Variants in KIF14 observed in about 807,000 individuals in gnomAD.
The protein encoded by KIF14 is kinesin-like protein KIF14.
Under a neutral mutation model 176.2 loss-of-function variants are expected in KIF14, and 98 were observed. That is an observed-to-expected ratio of 0.56 (90% CI 0.47 to 0.66). The LOEUF is 0.66. KIF14 is among the 30% of genes least tolerant of loss of function. The pLI, the probability that KIF14 is intolerant of heterozygous loss-of-function variation, is 0.00. For synonymous variants in KIF14, 566 were observed against 632.2 expected (o/e 0.90, Z 1.57); for missense variants, 1,751 against 1,920.4 (o/e 0.91, Z 1.65).
At chr1:200,560,938 G>T in intron 25 of KIF14, 58 bp from the exon 26 acceptor site, 1 of 1,510,174 alleles carries the variant, frequency 6.6e-7, no homozygotes, top group South Asian at 1.1e-5. Flanking sequence ...AGGTGGTAAA[G>T]AAAAGATAAG....
chr1:200,570,413 A>AG (rs1156509637), intron 22 of KIF14, among the ~76,000 whole-genome samples: 1 of 152,194 alleles, frequency 6.6e-6, no homozygotes, highest in African/African-American at 2.4e-5. Flanking sequence ...CCAAGAAGTC[A>AG]GGGGGGCCTC....
chr1:200,594,665 A>G (rs1659240549), intron 14 of KIF14, among the ~76,000 whole-genome samples: 1 of 152,190 alleles, frequency 6.6e-6, no homozygotes, highest in Admixed American at 6.5e-5. Flanking sequence ...TTTTATTCAG[A>G]GAATAGGAAA....
chr1:200,570,734 TG>T (rs1177127760), intron 22 of KIF14, among the ~76,000 whole-genome samples: 1 of 152,142 alleles, frequency 6.6e-6, no homozygotes, highest in East Asian at 1.9e-4. Flanking sequence ...GTGGCCGAGT[TG>T]GGATTTATTT....
rs529049059 is a variant in KIF14, at chr1:200,617,857, T to A, written c.867A>T (p.Thr289=). The A allele has an allele frequency of 6.2e-7, 1 of 1,614,240 alleles. No homozygotes were observed. Among genetic ancestry groups the A allele is most frequent in the Non-Finnish European group, 8.5e-7 (1 of 1,180,034 alleles). ...TKCTTEHKLT[T]KCSLPQLKSP... ...TCTTAAGCTGAGGCAGGCTGCACTT[T>A]GTTGTCAGTTTGTGTTCTGTTGTAC... The change falls in exon 2 of 30, where the codon ACA becomes ACT. Residue 289 remains threonine (T), a synonymous_variant. Coordinates refer to ENST00000367350, the MANE Select transcript of KIF14 (RefSeq NM_014875.3).
intron 12 of KIF14, 112 bp downstream of exon 12, chr1:200,600,244 G>T: frequency 8.0e-7 from 1 of 1,249,926 alleles, no homozygotes; most frequent in Non-Finnish European, 1.2e-6. Context: ...GGAGTGGGCT[G>T]CTCTATTCAT....
Position 200,602,923 on chromosome 1 carries a change from A to T in KIF14, c.1979+303T>A, listed in dbSNP as rs2809355. 0.34 allele frequency among the ~76,000 whole-genome samples: 51,060 copies of T among 152,036 alleles called. 8,815 individuals are homozygous for T. Among genetic ancestry groups the T allele is most frequent in the African/African-American group, 0.35 (14,677 of 41,466 alleles). ...TACAAGAACAGTTATTTACACTCAT[A>T]TAGTACATATTATGTATTAAGAATT... On this transcript the variant is annotated intron_variant, in intron 10 of 29. Coordinates refer to ENST00000367350, the MANE Select transcript of KIF14 (RefSeq NM_014875.3).
intron 25 of KIF14, among the ~76,000 whole-genome samples, chr1:200,564,135 G>A (rs1240856354): frequency 1.3e-5 from 2 of 151,638 alleles, no homozygotes; most frequent in South Asian, 2.1e-4. Context: ...GGTGGTGAGT[G>A]CCTGTAATCC....
intron 2 of KIF14, among the ~76,000 whole-genome samples, chr1:200,616,049 T>C (rs1286055524): frequency 4.6e-5 from 7 of 152,322 alleles, no homozygotes; most frequent in African/African-American, 1.7e-4. Flanking sequence ...GTTTCAATCA[T>C]AAGTCTCTCT....
intron 21 of KIF14, among the ~76,000 whole-genome samples, chr1:200,578,491 T>A (rs1658254154): frequency 6.6e-6 from 1 of 152,112 alleles, no homozygotes; most frequent in African/African-American, 2.4e-5. Flanking sequence ...TATGGATAAT[T>A]AGATAATATG....
chr1:200,561,852 A>T (rs1445721659), intron 25 of KIF14, among the ~76,000 whole-genome samples: 1 of 152,222 alleles, frequency 6.6e-6, no homozygotes, highest in Non-Finnish European at 1.5e-5. Flanking sequence ...TCCTGTTCTG[A>T]TAACCATCTG....
intron 14 of KIF14, among the ~76,000 whole-genome samples, chr1:200,597,399 A>G (rs778258063): frequency 1.3e-5 from 2 of 152,226 alleles, no homozygotes; most frequent in Non-Finnish European, 2.9e-5. Flanking sequence ...AAAAATCAAC[A>G]AAAGATATGA....
chr1:200,587,677 G>A lies in KIF14; in HGVS notation c.3115-1450C>T, dbSNP rs139817889. Among the ~76,000 whole-genome samples, 860 of 152,152 alleles carry A rather than the reference G, an allele frequency of 5.7e-3. 13 individuals are homozygous for A. The highest frequency in any genetic ancestry group is 0.02 in the African/African-American group (817 of 41,502). On this transcript the variant is annotated intron_variant, in intron 18 of 29. Coordinates refer to ENST00000367350, the MANE Select transcript of KIF14 (RefSeq NM_014875.3). Reference sequence around the variant, plus strand: ...AAAATACAAAAAAAATTAGCCGGGCGTAGTGGCAGACACCTGTAATCCCAG... The same window carrying A: ...AAAATACAAAAAAAATTAGCCGGGCATAGTGGCAGACACCTGTAATCCCAG...
chr1:200,612,949 G>A lies in KIF14; in HGVS notation c.1455+1369C>T, dbSNP rs150392395. On this transcript the variant is annotated intron_variant, in intron 4 of 29. Transcript: ENST00000367350. ...GTCACCCAGGCTGGAGTGCAGTGGC[G>A]CGATCTCGGCTCACTGCAACCTCCA... is the stretch of plus-strand genomic sequence containing the variant. 4.3e-3 allele frequency among the ~76,000 whole-genome samples: 605 copies of A among 140,184 alleles called. 4 individuals are homozygous for A. Among genetic ancestry groups the A allele is most frequent in the African/African-American group, 0.015 (582 of 37,658 alleles). 92.0% of individuals were successfully genotyped at this position (140,184 alleles called of 152,430 possible).
At chr1:200,617,510 G>T in intron 2 of KIF14, 102 bp downstream of exon 2, 1 of 1,139,728 alleles carries the variant, frequency 8.8e-7, no homozygotes, top group Non-Finnish European at 1.2e-6. Flanking sequence ...TTGCCAACAA[G>T]TTTGAAGATG....
chr1:200,569,456 G>A (rs1159647977), intron 23 of KIF14, among the ~76,000 whole-genome samples: 1 of 152,022 alleles, frequency 6.6e-6, no homozygotes, highest in Non-Finnish European at 1.5e-5. Context: ...AGTGAAAAGG[G>A]TGCCTTCCTT....
chr1:200,554,578 T>C lies in KIF14; in HGVS notation c.4457A>G (p.Glu1486Gly). Residue 1486 changes from glutamate (E) to glycine (G), a missense_variant, in exon 29 of 30, where the codon GAA becomes GGA. Transcript: ENST00000367350. Reference protein sequence around the residue: ...IKSFRRQVQEENFEYQDFKRM... With the variant: ...IKSFRRQVQEGNFEYQDFKRM... ...CTTGAAATCTTGGTATTCAAAGTTT[T>C]CTTCTTGTACTTGCCTTCTGAAACT... The C allele has an allele frequency of 6.5e-7, 1 of 1,543,816 alleles. No individual in the cohort carries two copies. The highest frequency in any genetic ancestry group is 8.9e-7 in the Non-Finnish European group (1 of 1,122,068).
At chr1:200,578,588 T>C (rs1323063462) in intron 21 of KIF14, among the ~76,000 whole-genome samples, 2 of 151,898 alleles carry the variant, frequency 1.3e-5, no homozygotes, top group African/African-American at 4.8e-5. Context: ...TTTTTTTAAT[T>C]AAAAGAAAAT....
At chr1:200,591,551 G>T (rs1005428465) in intron 16 of KIF14, among the ~76,000 whole-genome samples, 3 of 152,080 alleles carry the variant, frequency 2.0e-5, no homozygotes, top group Non-Finnish European at 4.4e-5. Context: ...AGCTTACAAG[G>T]ATACTACTTA....
chr1:200,602,860 C>T (rs923698107), intron 10 of KIF14, among the ~76,000 whole-genome samples: 1 of 152,098 alleles, frequency 6.6e-6, no homozygotes, highest in African/African-American at 2.4e-5. Flanking sequence ...TTGGTAGTAC[C>T]ATATATGTTC....
Sources: allele counts gnomAD v4.1 joint callset (sites outside exome capture counted in the v4.1 genomes callset), GRCh38; gene constraint gnomAD v4.1.1; transcripts MANE v1.5; gene names NCBI Gene and HGNC (gene_info 2026-07-23, HGNC 2026-07-21).